Variants in GRM5 observed in about 807,000 individuals in gnomAD.
GRM5 encodes glutamate metabotropic receptor 5.
GRM5 carries 19 observed loss-of-function variants against 83.1 expected under a neutral mutation model. The ratio of observed to expected loss-of-function variants is 0.23; its 90% CI spans 0.16 to 0.34. GRM5 has a LOEUF of 0.34. GRM5 is among the 10% of genes least tolerant of loss of function. GRM5 has a pLI of 1.00. For synonymous variants in GRM5, 675 were observed against 633.6 expected (o/e 1.07, Z -0.98); for missense variants, 1,160 against 1,588.3 (o/e 0.73, Z 4.58).
chr11:88,902,939 A>C (rs1405829604), intron 2 of GRM5, among the ~76,000 whole-genome samples: 2 of 136,560 alleles, frequency 1.5e-5, no homozygotes, highest in Non-Finnish European at 3.0e-5. Flanking sequence ...CGACAGACCA[A>C]GACTCCATCT....
chr11:88,543,552 T>A, intron 8 of GRM5, among the ~76,000 whole-genome samples: 1 of 146,636 alleles, frequency 6.8e-6, no homozygotes, highest in Non-Finnish European at 1.5e-5. Flanking sequence ...GAAAGAAAAA[T>A]ATTATTTCAG....
At position 88,509,098 on chromosome 11, in the gene GRM5, C is replaced by T; in HGVS notation, c.3133G>A (p.Glu1045Lys). ...TDDDVPSLHS[E>K]PVARSSSSQG... ...GAGGAGCTGCTGCGCGCCACAGGCT[C>T]CGAGTGCAGCGACGGCACATCGTCG... The change falls in exon 10 of 10, where the codon GAG becomes AAG. Residue 1045 changes from glutamate (E) to lysine (K), a missense_variant. Physicochemically the swap from Glu to Lys is moderately conservative, Grantham distance 56 (BLOSUM62 1). This residue lies in a region of GRM5 where 562 missense variants were observed against 532.4 expected (regional missense o/e 1.06). Transcript: ENST00000305447. The T allele has an allele frequency of 6.5e-7, 1 of 1,548,276 alleles. No individual in the cohort carries two copies. Among genetic ancestry groups the T allele is most frequent in the African/African-American group, 1.4e-5 (1 of 72,828 alleles).
chr11:88,593,293 A>G (rs372115952), intron 6 of GRM5, among the ~76,000 whole-genome samples: 10 of 152,324 alleles, frequency 6.6e-5, no homozygotes, highest in African/African-American at 2.4e-4. Flanking sequence ...TACATTTAAT[A>G]GAGTAAAAAT....
chr11:88,975,797 A>G (rs1450275164), intron 2 of GRM5, among the ~76,000 whole-genome samples: 1 of 152,232 alleles, frequency 6.6e-6, no homozygotes, highest in African/African-American at 2.4e-5. Context: ...TGATTCCAAC[A>G]TACTATGAGG....
chr11:89,056,076 T>C (rs571465971), intron 1 of GRM5, among the ~76,000 whole-genome samples: 1 of 152,316 alleles, frequency 6.6e-6, no homozygotes, highest in East Asian at 1.9e-4. Context: ...TTCCTTATTG[T>C]TAGATATTAA....
chr11:89,020,643 CG>C (rs1441803538), intron 2 of GRM5, among the ~76,000 whole-genome samples: 1 of 152,140 alleles, frequency 6.6e-6, no homozygotes, highest in Admixed American at 6.5e-5. Context: ...GACACAGAAC[CG>C]GAGGAACCAT....
At chr11:88,815,258 A>G (rs142799558) in intron 3 of GRM5, among the ~76,000 whole-genome samples, 26 of 152,342 alleles carry the variant, frequency 1.7e-4, no homozygotes, top group Non-Finnish European at 2.9e-4. Context: ...TAAATTATAT[A>G]TCAGTACCAG....
intron 3 of GRM5, among the ~76,000 whole-genome samples, chr11:88,657,194 C>A (rs2135312030): frequency 6.6e-6 from 1 of 152,244 alleles, no homozygotes; most frequent in East Asian, 1.9e-4. Flanking sequence ...TAAAGGCTCA[C>A]AGCAACCTAA....
At chr11:88,660,736 G>A (rs114599184) in intron 3 of GRM5, among the ~76,000 whole-genome samples, 1,592 of 152,222 alleles carry the variant, frequency 0.01, 30 homozygotes, top group African/African-American at 0.034. Flanking sequence ...CCTGTTGATC[G>A]GAGACATAGA....
intron 2 of GRM5, among the ~76,000 whole-genome samples, chr11:88,991,565 A>C (rs935007801): frequency 1.3e-5 from 2 of 149,756 alleles, no homozygotes; most frequent in Non-Finnish European, 3.0e-5. Flanking sequence ...CTCAATCCTA[A>C]GCCAAAAGAA....
intron 7 of GRM5, among the ~76,000 whole-genome samples, chr11:88,580,195 A>C (rs1460972089): frequency 6.6e-6 from 1 of 152,238 alleles, no homozygotes; most frequent in Non-Finnish European, 1.5e-5. Flanking sequence ...GTAGAATTTA[A>C]GATATCTATT....
intron 4 of GRM5, among the ~76,000 whole-genome samples, chr11:88,618,638 G>A (rs1167883444): frequency 6.6e-6 from 1 of 151,626 alleles, no homozygotes; most frequent in African/African-American, 2.4e-5. Flanking sequence ...ATATAAGTAT[G>A]GGCTCAGTGG....
chr11:88,550,649 A>G (rs1351176755), intron 8 of GRM5, among the ~76,000 whole-genome samples: 1 of 151,614 alleles, frequency 6.6e-6, no homozygotes, highest in East Asian at 1.9e-4. Flanking sequence ...AGAGAAACTG[A>G]TAAGGGAGTG....
chr11:89,041,064 A>G (rs1941521005), intron 2 of GRM5, among the ~76,000 whole-genome samples: 1 of 152,228 alleles, frequency 6.6e-6, no homozygotes, highest in Non-Finnish European at 1.5e-5. Context: ...GCTGAACACT[A>G]TAAACCTAGA....
At chr11:88,565,410 C>T (rs1348678394) in intron 8 of GRM5, among the ~76,000 whole-genome samples, 1 of 152,240 alleles carries the variant, frequency 6.6e-6, no homozygotes, top group Non-Finnish European at 1.5e-5. Context: ...TCTGCCACCA[C>T]TCCATGCTGT....
intron 2 of GRM5, among the ~76,000 whole-genome samples, chr11:88,996,233 C>T (rs1385954117): frequency 6.6e-6 from 1 of 152,162 alleles, no homozygotes; most frequent in Non-Finnish European, 1.5e-5. Context: ...GTCTTTATCT[C>T]TGAAATCCAT....
At chr11:88,588,024 A>G (rs921139165) in intron 7 of GRM5, among the ~76,000 whole-genome samples, 5 of 152,316 alleles carry the variant, frequency 3.3e-5, no homozygotes, top group Admixed American at 6.5e-5. Context: ...TTTCTCCTAC[A>G]TGAGCAAGGA....
intron 3 of GRM5, among the ~76,000 whole-genome samples, chr11:88,676,733 A>G (rs1161600625): frequency 1.3e-5 from 2 of 152,070 alleles, no homozygotes; most frequent in African/African-American, 2.4e-5. Context: ...GATGCTATAT[A>G]ATGAAAATAC....
intron 2 of GRM5, among the ~76,000 whole-genome samples, chr11:88,991,068 T>A (rs1193473135): frequency 2.6e-5 from 4 of 152,156 alleles, no homozygotes; most frequent in Admixed American, 2.0e-4. Flanking sequence ...AGAGGAAGTC[T>A]GATTGTCCCT....
Sources: gnomAD v4.1 joint callset for allele counts (sites outside exome capture counted in the v4.1 genomes callset) on GRCh38, gnomAD v4.1.1 for gene constraint, gnomAD v4.1.1 regional missense constraint, MANE v1.5 for transcripts, NCBI Gene and HGNC (gene_info 2026-07-23, HGNC 2026-07-21) for gene names.